MGMT: variants seen among roughly 807,000 people sequenced by gnomAD.
MGMT encodes methylated-DNA--protein-cysteine methyltransferase.
MGMT carries 14 observed loss-of-function variants against 15.9 expected under a neutral mutation model. The ratio of observed to expected loss-of-function variants is 0.88; its 90% CI spans 0.58 to 1.37. The LOEUF is 1.37. Ranked by LOEUF, MGMT falls within the 40% of genes most tolerant of loss-of-function variation. The pLI is 0.00. For synonymous variants in MGMT, 130 were observed against 118.2 expected (o/e 1.10, Z -0.65); for missense variants, 282 against 268.1 (o/e 1.05, Z -0.36).
intron 3 of MGMT, among the ~76,000 whole-genome samples, chr10:129,713,452 AAAG>A (rs1433203661): frequency 2.0e-5 from 3 of 152,278 alleles, no homozygotes; most frequent in East Asian, 3.9e-4. Context: ...GGAAAGGTGA[AAAG>A]AAGAAGAACC....
intron 3 of MGMT, among the ~76,000 whole-genome samples, chr10:129,738,435 C>G (rs978988194): frequency 5.9e-5 from 9 of 152,232 alleles, no homozygotes; most frequent in African/African-American, 2.2e-4. Context: ...CACGCACCCA[C>G]TGACCTGCGC....
intron 2 of MGMT, among the ~76,000 whole-genome samples, chr10:129,589,944 G>C (rs901386729): frequency 1.5e-4 from 23 of 152,242 alleles, no homozygotes; most frequent in Non-Finnish European, 5.9e-5. Context: ...GGTGGGTTGA[G>C]GCTGGAGATG....
chr10:129,718,543 C>T (rs1330100584), intron 3 of MGMT, among the ~76,000 whole-genome samples: 1 of 152,200 alleles, frequency 6.6e-6, no homozygotes, highest in Non-Finnish European at 1.5e-5. Context: ...CTGTGGCTCT[C>T]AGTCACTTAC....
At chr10:129,687,842 C>T (rs1050599606) in intron 2 of MGMT, among the ~76,000 whole-genome samples, 2 of 151,886 alleles carry the variant, frequency 1.3e-5, no homozygotes, top group Non-Finnish European at 2.9e-5. Flanking sequence ...TGCTATCCCT[C>T]CCCCAGCCCC....
intron 2 of MGMT, among the ~76,000 whole-genome samples, chr10:129,549,516 C>T (rs1428751305): frequency 6.6e-6 from 1 of 152,104 alleles, no homozygotes; most frequent in Non-Finnish European, 1.5e-5. Context: ...ATGTGGGGTC[C>T]CCATCTGCAT....
chr10:129,544,605 C>T (rs913044388), intron 2 of MGMT, among the ~76,000 whole-genome samples: 1 of 152,312 alleles, frequency 6.6e-6, no homozygotes, highest in East Asian at 1.9e-4. Context: ...TACCCTGTTG[C>T]GTGGGTGGGC....
chr10:129,632,693 G>T (rs1215181765), intron 2 of MGMT, among the ~76,000 whole-genome samples: 1 of 152,184 alleles, frequency 6.6e-6, no homozygotes, highest in African/African-American at 2.4e-5. Flanking sequence ...TTGTGCACCT[G>T]CTGGAGTTTG....
At chr10:129,609,849 G>A (rs1846939088) in intron 2 of MGMT, among the ~76,000 whole-genome samples, 1 of 152,190 alleles carries the variant, frequency 6.6e-6, no homozygotes, top group Non-Finnish European at 1.5e-5. Flanking sequence ...CGGGAGGCAG[G>A]CGGCAATGGT....
At chr10:129,548,407 C>A (rs1454869858) in intron 2 of MGMT, among the ~76,000 whole-genome samples, 1 of 152,166 alleles carries the variant, frequency 6.6e-6, no homozygotes, top group African/African-American at 2.4e-5. Flanking sequence ...TTCTAAAAAT[C>A]ACCTGGAAAA....
chr10:129,749,205 G>A (rs886175587), intron 3 of MGMT, among the ~76,000 whole-genome samples: 5 of 152,122 alleles, frequency 3.3e-5, no homozygotes, highest in Non-Finnish European at 7.4e-5. Flanking sequence ...TTTGATAGAT[G>A]TATGATATCA....
At chr10:129,663,944 C>A (rs75745585) in intron 2 of MGMT, among the ~76,000 whole-genome samples, 1 of 152,004 alleles carries the variant, frequency 6.6e-6, no homozygotes, top group East Asian at 1.9e-4. Flanking sequence ...TGAAGGGAAA[C>A]GTCCCATATT....
chr10:129,654,245 G>A (rs1291661201), intron 2 of MGMT, among the ~76,000 whole-genome samples: 1 of 152,138 alleles, frequency 6.6e-6, no homozygotes, highest in African/African-American at 2.4e-5. Flanking sequence ...TGAGAAGAGA[G>A]ACCTGAAGAT....
chr10:129,513,592 G>A (rs997984147), intron 1 of MGMT, among the ~76,000 whole-genome samples: 9 of 152,064 alleles, frequency 5.9e-5, no homozygotes, highest in East Asian at 1.9e-4. Flanking sequence ...ACGTGACCCC[G>A]CGGCTCCTCT....
At position 129,537,714 on chromosome 10, in the gene MGMT, T is replaced by C. The variant is rs1589855991; in HGVS notation, c.125+1337T>C. Among the ~76,000 whole-genome samples, 3 of 152,372 alleles carry C rather than the reference T, an allele frequency of 2.0e-5. No homozygotes were observed. In the South Asian group the frequency reaches 6.2e-4, roughly 32 times the overall value. On this transcript the variant is annotated intron_variant, in intron 2 of 4. Transcript: ENST00000651593. ...GACGCTTAATTTTGAATTTCTACTT[T>C]ATGAACTTTCTGAATCAAGTTAGGA...
At chr10:129,619,353 G>A (rs1314455058) in intron 2 of MGMT, among the ~76,000 whole-genome samples, 1 of 152,014 alleles carries the variant, frequency 6.6e-6, no homozygotes, top group Non-Finnish European at 1.5e-5. Context: ...ATATATATGT[G>A]TATAATTCCA....
chr10:129,536,528 G>A (rs2119760110), intron 2 of MGMT, 151 bp downstream of exon 2: 1 of 893,496 alleles, frequency 1.1e-6, no homozygotes, highest in East Asian at 2.8e-5. Flanking sequence ...AAAACAGTGT[G>A]CTGCGACGGC....
chr10:129,512,218 A>G (rs566622084), intron 1 of MGMT, among the ~76,000 whole-genome samples: 10 of 152,148 alleles, frequency 6.6e-5, no homozygotes, highest in African/African-American at 2.4e-4. Flanking sequence ...CTCAGCGATC[A>G]GTTTCACCTG....
chr10:129,601,411 C>T (rs1448969740), intron 2 of MGMT, among the ~76,000 whole-genome samples: 1 of 152,192 alleles, frequency 6.6e-6, no homozygotes, highest in Non-Finnish European at 1.5e-5. Context: ...CTTCATTCTC[C>T]TTTGGCTTAA....
At chr10:129,524,133 T>G (rs956394637) in intron 1 of MGMT, among the ~76,000 whole-genome samples, 1 of 151,972 alleles carries the variant, frequency 6.6e-6, no homozygotes, top group South Asian at 2.1e-4. Context: ...ACCAAAAGAG[T>G]GGCTGCCCAC....
Sources: allele counts gnomAD v4.1 joint callset (sites outside exome capture counted in the v4.1 genomes callset), GRCh38; gene constraint gnomAD v4.1.1; transcripts MANE v1.5; gene names NCBI Gene and HGNC (gene_info 2026-07-23, HGNC 2026-07-21).